The following GRM7 variants were observed in gnomAD, a reference collection of about 807,000 sequenced individuals.
GRM7 encodes the protein glutamate metabotropic receptor 7.
GRM7 carries 35 observed loss-of-function variants against 84.5 expected under a neutral mutation model. The observed-to-expected ratio is 0.41, with a 90% CI of 0.32 to 0.55. The LOEUF is 0.55. Among genes scored for constraint, GRM7 ranks in the 20% least tolerant of loss-of-function variants. The pLI is 0.19. For synonymous variants in GRM7, 487 were observed against 455.1 expected (o/e 1.07, Z -0.89); for missense variants, 1,003 against 1,194.6 (o/e 0.84, Z 2.36).
intron 2 of GRM7, among the ~76,000 whole-genome samples, chr3:7,274,795 G>A (rs190367000): frequency 6.6e-6 from 1 of 152,080 alleles, no homozygotes; most frequent in Admixed American, 6.5e-5. Context: ...TCTGGTTGGT[G>A]TTTAAGCTTC....
At chr3:7,633,935 A>G (rs1422911006) in intron 8 of GRM7, among the ~76,000 whole-genome samples, 4 of 152,198 alleles carry the variant, frequency 2.6e-5, no homozygotes, top group Non-Finnish European at 5.9e-5. Flanking sequence ...ATTGTTCAGC[A>G]GTTTCAGAGG....
At chr3:7,639,273 T>C (rs1280482818) in intron 8 of GRM7, among the ~76,000 whole-genome samples, 1 of 152,248 alleles carries the variant, frequency 6.6e-6, no homozygotes. Flanking sequence ...GTGAGTTATC[T>C]GTGGACACAG....
At chr3:7,475,282 A>G (rs189823216) in intron 7 of GRM7, among the ~76,000 whole-genome samples, 7 of 152,268 alleles carry the variant, frequency 4.6e-5, no homozygotes, top group South Asian at 2.1e-4. Context: ...TTAGCAGGGA[A>G]CTTGATGCCT....
At chr3:7,012,375 T>G (rs1382230257) in intron 1 of GRM7, among the ~76,000 whole-genome samples, 1 of 152,206 alleles carries the variant, frequency 6.6e-6, no homozygotes, top group Non-Finnish European at 1.5e-5. Context: ...TAAAAACTGT[T>G]CTTTACAATT....
At chr3:7,729,056 TTTTCC>T (rs759137644) in intron 9 of GRM7, among the ~76,000 whole-genome samples, 1 of 132,818 alleles carries the variant, frequency 7.5e-6, no homozygotes, top group African/African-American at 3.5e-5. Flanking sequence ...TTTTTTTTTT[TTTTCC>T]CCATAGTTTT....
chr3:6,939,089 C>A (rs997132048), intron 1 of GRM7, among the ~76,000 whole-genome samples: 1 of 152,102 alleles, frequency 6.6e-6, no homozygotes. Flanking sequence ...TACAGGATAG[C>A]AAAATCACAA....
chr3:7,662,786 A>C (rs1699524635), intron 8 of GRM7, among the ~76,000 whole-genome samples: 1 of 152,358 alleles, frequency 6.6e-6, no homozygotes. Flanking sequence ...TCCTATGTCA[A>C]ATTTTCTGAA....
chr3:7,452,529 T>C (rs1668728865), intron 5 of GRM7, 78 bp from the exon 6 acceptor site: 4 of 984,678 alleles, frequency 4.1e-6, no homozygotes, highest in Middle Eastern at 2.9e-4. Flanking sequence ...AGTTTACTTT[T>C]AAATTTGGAC....
chr3:7,316,228 G>A (rs1245363402), intron 4 of GRM7, among the ~76,000 whole-genome samples: 2 of 152,058 alleles, frequency 1.3e-5, no homozygotes, highest in Non-Finnish European at 2.9e-5. Flanking sequence ...AGATCTCATG[G>A]GACCATGCAG....
intron 7 of GRM7, among the ~76,000 whole-genome samples, chr3:7,523,857 G>C (rs1280421897): frequency 6.6e-6 from 1 of 152,056 alleles, no homozygotes; most frequent in African/African-American, 2.4e-5. Context: ...ATAGGACTTT[G>C]AGAAAAATAG....
intron 1 of GRM7, among the ~76,000 whole-genome samples, chr3:7,091,662 T>C (rs1264852219): frequency 7.5e-6 from 1 of 133,544 alleles, no homozygotes; most frequent in Admixed American, 7.5e-5. Flanking sequence ...TTTGATATGC[T>C]CTACCTTTTC....
At chr3:7,168,738 G>A (rs528433286) in intron 2 of GRM7, among the ~76,000 whole-genome samples, 31 of 152,264 alleles carry the variant, frequency 2.0e-4, no homozygotes, top group African/African-American at 6.5e-4. Flanking sequence ...AAGGGAATGC[G>A]TAGTTATACC....
chr3:7,660,695 C>G (rs1188705049), intron 8 of GRM7, among the ~76,000 whole-genome samples: 3 of 152,036 alleles, frequency 2.0e-5, no homozygotes, highest in Non-Finnish European at 2.9e-5. Context: ...TAAAACAACT[C>G]TGAAGAAAAT....
chr3:7,147,954 A>T (rs960390519), intron 2 of GRM7, among the ~76,000 whole-genome samples: 4 of 152,044 alleles, frequency 2.6e-5, no homozygotes, highest in Non-Finnish European at 5.9e-5. Flanking sequence ...AGGTTAGTAT[A>T]ATTTCCTATT....
chr3:7,099,879 C>T lies in GRM7; in HGVS notation c.520-46573C>T, dbSNP rs921562112. Among the ~76,000 whole-genome samples the T allele has an allele frequency of 2.1e-5, 3 of 141,276 alleles. No individual in the cohort carries two copies. The Admixed American group carries it at 2.1e-4, about 10-fold the overall frequency. The allele number at this position is 141,276 out of a possible 152,430, so 92.7% of individuals were successfully genotyped here. ...GTGCACATATATGTATATGTACACGCATTATACATATATACATAGATTATA... is the reference window on the plus strand; with the variant it reads ...GTGCACATATATGTATATGTACACGTATTATACATATATACATAGATTATA... On this transcript the variant is annotated intron_variant, in intron 1 of 9. Transcript: ENST00000357716.
rs866502473 is a variant in GRM7, at chr3:7,105,562, A to G, written c.520-40890A>G. 4.6e-5 allele frequency among the ~76,000 whole-genome samples: 7 copies of G among 152,054 alleles called. No homozygotes were observed. In the Middle Eastern group the frequency reaches 0.01, roughly 222 times the overall value. On this transcript the variant is annotated intron_variant, in intron 1 of 9. Transcript: ENST00000357716. ...AGCTTCACTCTTAAATCTTTCTAAG[A>G]CTAATATTGTATAAACTATTCCCTT...
Position 7,740,363 on chromosome 3 carries a change from C to G in GRM7, c.2705C>G (p.Ala902Gly), listed in dbSNP as rs748750547. ...LCENVDPNSPAAKKKYVSYNN... is the reference protein window; with the variant it reads ...LCENVDPNSPGAKKKYVSYNN... ...TTTCTAATTTTTCTTTCAGGCCCTG[C>G]TGCAAAAAAGAAGTATGTCAGTTAT... The change falls in exon 10 of 10, where the codon GCT (alanine) becomes GGT (glycine). Residue 902 changes from alanine to glycine, a missense_variant. Physicochemically the swap from Ala to Gly is moderately conservative, Grantham distance 60. Around this residue, in one of 2 missense-constraint regions of GRM7, gnomAD observed 910 missense variants for 1,126.0 expected, o/e 0.81. Transcript: ENST00000357716. The G allele has an allele frequency of 8.8e-6, 14 of 1,583,586 alleles. No individual in the cohort carries two copies. Among genetic ancestry groups the G allele is most frequent in the Non-Finnish European group, 1.1e-5 (13 of 1,158,386 alleles).
chr3:7,143,953 T>C (rs1694029430), intron 1 of GRM7, among the ~76,000 whole-genome samples: 1 of 152,170 alleles, frequency 6.6e-6, no homozygotes, highest in African/African-American at 2.4e-5. Context: ...ATATTTTTGT[T>C]ACCTAAAACT....
At chr3:7,448,912 T>C (rs1160824587) in intron 5 of GRM7, among the ~76,000 whole-genome samples, 1 of 152,134 alleles carries the variant, frequency 6.6e-6, no homozygotes, top group African/African-American at 2.4e-5. Flanking sequence ...ACCTATTTCA[T>C]AGTATATATT....
Sources: gnomAD v4.1 joint callset for allele counts (sites outside exome capture counted in the v4.1 genomes callset) on GRCh38, gnomAD v4.1.1 for gene constraint, gnomAD v4.1.1 regional missense constraint, MANE v1.5 for transcripts, NCBI Gene and HGNC (gene_info 2026-07-23, HGNC 2026-07-21) for gene names.